The following YEATS2 variants were observed in gnomAD, a reference collection of about 807,000 sequenced individuals.
YEATS2 encodes the protein YEATS domain-containing protein 2.
A neutral mutation model predicts 163.2 loss-of-function variants in YEATS2; 77 were observed. The observed-to-expected ratio is 0.47, with a 90% confidence interval of 0.39 to 0.57. The LOEUF (loss-of-function observed/expected upper bound fraction) is 0.57. Ranked by LOEUF, YEATS2 falls within the 20% of genes least tolerant of loss-of-function variation. The probability of loss-of-function intolerance (pLI) is 0.00; values close to 1 mark genes in which losing one functional copy is unlikely to be tolerated. For missense variants in YEATS2, 1,549 were observed against 1,729.8 expected (o/e 0.90, Z 1.85); for synonymous variants, 631 against 645.1 (o/e 0.98, Z 0.33).
At chr3:183,719,212 G>C (rs1218181096) in intron 4 of YEATS2, among the ~76,000 whole-genome samples, 1 of 147,726 alleles carries the variant, frequency 6.8e-6, no homozygotes, top group Non-Finnish European at 1.5e-5. Flanking sequence ...GCCCAGGCTA[G>C]AGTGCAGTGG....
chr3:183,798,047 T>C lies in YEATS2; in HGVS notation c.3222T>C (p.Asn1074=). The change falls in exon 22 of 31, where the codon AAT becomes AAC. Residue 1074 remains asparagine (N), a synonymous_variant. Coordinates refer to ENST00000305135, the MANE Select transcript of YEATS2 (RefSeq NM_018023.5). The part of the protein sequence containing the change: ...GGVQTILMPV[N]KVVQSFSTSK... ...TGCAGACGATCCTGATGCCTGTGAA[T>C]AAAGGTGAGTCCCTTGCCCACGGGT... 1 of 1,613,626 alleles carries C rather than the reference T, an allele frequency of 6.2e-7. No individual in the cohort carries two copies. The highest frequency in any genetic ancestry group is 8.5e-7 in the Non-Finnish European group (1 of 1,179,888).
intron 7 of YEATS2, among the ~76,000 whole-genome samples, chr3:183,730,484 C>T (rs1204509384): frequency 6.6e-6 from 1 of 152,132 alleles, no homozygotes; most frequent in Non-Finnish European, 1.5e-5. Flanking sequence ...ACATGGCTGC[C>T]TCCTGAGAAC....
rs746730865 is a variant in YEATS2 at position 183,715,168 on chromosome 3, T to G, written c.6T>G (p.Ser2=). The change falls in exon 2 of 31, where the codon TCT becomes TCG. Residue 2 remains serine (S), a synonymous_variant. Coordinates refer to ENST00000305135, the MANE Select transcript of YEATS2 (RefSeq NM_018023.5). ...GTGAAGAACTGAATGTCATCATGTC[T>G]GGAATCAAGCGAACCATCAAAGAAA... M[S]GIKRTIKETD... is the part of the protein sequence containing the mutation. The G allele has an allele frequency of 6.2e-7, 1 of 1,611,372 alleles. No homozygotes were observed. The highest frequency in any genetic ancestry group is 1.3e-5 in the African/African-American group (1 of 74,726).
intron 12 of YEATS2, among the ~76,000 whole-genome samples, chr3:183,757,471 A>G (rs1447915361): frequency 6.6e-6 from 1 of 151,862 alleles, no homozygotes; most frequent in Non-Finnish European, 1.5e-5. Context: ...TTGTATTTTT[A>G]GTAGAGATGG....
intron 13 of YEATS2, among the ~76,000 whole-genome samples, chr3:183,759,652 A>G (rs1429428249): frequency 6.6e-6 from 1 of 152,208 alleles, no homozygotes. Context: ...TAAATATACA[A>G]ATGGCTCCCA....
chr3:183,721,826 C>G (rs1172704565), intron 4 of YEATS2, 65 bp from the exon 5 acceptor site: 5 of 1,581,486 alleles, frequency 3.2e-6, no homozygotes, highest in Non-Finnish European at 4.3e-6. Flanking sequence ...TTGGAGAGAT[C>G]AGATTTTTGC....
chr3:183,699,849 T>C (rs2108947481), intron 1 of YEATS2, among the ~76,000 whole-genome samples: 1 of 152,294 alleles, frequency 6.6e-6, no homozygotes, highest in East Asian at 1.9e-4. Flanking sequence ...GTCAATTGAA[T>C]TTGGCAACAC....
At chr3:183,787,801 C>A (rs1296878279) in intron 20 of YEATS2, among the ~76,000 whole-genome samples, 9 of 151,938 alleles carry the variant, frequency 5.9e-5, no homozygotes, top group Non-Finnish European at 1.3e-4. Flanking sequence ...ATCAAACCAT[C>A]CTGGCTAACA....
At position 183,808,321 on chromosome 3, in the gene YEATS2, C is replaced by T. The variant is rs867838144; in HGVS notation, c.4086+217C>T. Reference sequence around the variant, plus strand: ...CTCTGAGTCATGTGGTTTCAGGTGCCTCCTAAGACGTATTCTGGGGGTGGT... The same window carrying T: ...CTCTGAGTCATGTGGTTTCAGGTGCTTCCTAAGACGTATTCTGGGGGTGGT... On this transcript the variant is annotated intron_variant, in intron 29 of 30. Transcript: ENST00000305135. The T allele has an allele frequency of 7.2e-5, 40 of 551,920 alleles. No individual in the cohort carries two copies. In the African/African-American group the frequency reaches 7.3e-4, roughly 10 times the overall value. The allele number at this position is 551,920 out of a possible 1,614,324, so 34.2% of individuals were successfully genotyped here.
Position 183,775,914 on chromosome 3 carries a change from G to T in YEATS2, c.2369-1G>T. ...GTTGCTGTCATTCATTGTATTTTTAGATCTCCAGTCTGGCTCAGCTGCCAG... is the reference window on the plus strand; with the variant it reads ...GTTGCTGTCATTCATTGTATTTTTATATCTCCAGTCTGGCTCAGCTGCCAG... On this transcript the variant is annotated splice_acceptor_variant, in intron 17 of 30. Transcript: ENST00000305135. LOFTEE classifies it high-confidence loss of function. 6.2e-7 allele frequency: 1 copy of T among 1,611,980 alleles called. No homozygotes were observed.
At chr3:183,740,556 T>G (rs1339619681) in intron 8 of YEATS2, among the ~76,000 whole-genome samples, 1 of 152,270 alleles carries the variant, frequency 6.6e-6, no homozygotes, top group Non-Finnish European at 1.5e-5. Context: ...TAACATTCCC[T>G]TAAGCCAAAT....
intron 25 of YEATS2, chr3:183,802,544 C>CATATATATAT (rs1725791682): frequency 1.9e-5 from 1 of 52,562 alleles, no homozygotes; most frequent in East Asian, 1.1e-3. Context: ...TGTATATACA[C>CATATATATAT]ACACACATAT....
chr3:183,800,079 A>G (rs181847447), intron 23 of YEATS2, among the ~76,000 whole-genome samples: 10 of 151,678 alleles, frequency 6.6e-5, no homozygotes, highest in African/African-American at 1.2e-4. Context: ...TGATCCGCCC[A>G]CCTCGGCCTC....
rs780731165 is a variant in YEATS2 at position 183,715,251 on chromosome 3, T to C, written c.89T>C (p.Ile30Thr). Residue 30 changes from isoleucine (I) to threonine (T), a missense_variant, in exon 2 of 31, where the codon ATT becomes ACT. Coordinates refer to ENST00000305135, the MANE Select transcript of YEATS2 (RefSeq NM_018023.5). ...VALPNKRHKAIENSARDAAVQ... is the reference protein window; with the variant it reads ...VALPNKRHKATENSARDAAVQ... ...CTTCCAAATAAGCGGCATAAAGCAA[T>C]TGAGAATTCAGGTAGAAATCCTGCC... The C allele has an allele frequency of 1.2e-6, 2 of 1,607,566 alleles. No homozygotes were observed. Among genetic ancestry groups the C allele is most frequent in the Non-Finnish European group, 1.7e-6 (2 of 1,178,550 alleles).
Position 183,777,708 on chromosome 3 carries a change from C to T in YEATS2, c.2736+8C>T, listed in dbSNP as rs773212814. 10 of 1,611,104 alleles carry T rather than the reference C, an allele frequency of 6.2e-6. No individual in the cohort carries two copies. The highest frequency in any genetic ancestry group is 4.5e-5 in the East Asian group (2 of 44,868). On this transcript the variant is annotated splice_region_variant and intron_variant, in intron 19 of 30. Coordinates refer to ENST00000305135, the MANE Select transcript of YEATS2 (RefSeq NM_018023.5). ...ACCACATTGTTTACACAGGTAAATA[C>T]GCCCATGCACACACCCCAAATATGG...
At chr3:183,706,807 ACT>A (rs1714669506) in intron 1 of YEATS2, among the ~76,000 whole-genome samples, 1 of 151,994 alleles carries the variant, frequency 6.6e-6, no homozygotes, top group African/African-American at 2.4e-5. Context: ...CAAGAGCGAA[ACT>A]CTGTCTCAAA....
At chr3:183,706,588 G>A (rs1050105844) in intron 1 of YEATS2, among the ~76,000 whole-genome samples, 10 of 152,086 alleles carry the variant, frequency 6.6e-5, no homozygotes, top group South Asian at 2.1e-4. Context: ...AGGCCAAGAC[G>A]GGCAGATCAC....
intron 13 of YEATS2, among the ~76,000 whole-genome samples, chr3:183,760,313 A>AGT (rs1283432086): frequency 1.0e-4 from 11 of 110,302 alleles, no homozygotes; most frequent in Non-Finnish European, 8.8e-5. Context: ...AAACTACAGA[A>AGT]TTTTTTTTTT....
chr3:183,797,382 A>G (rs1198992773), intron 21 of YEATS2, among the ~76,000 whole-genome samples: 2 of 151,898 alleles, frequency 1.3e-5, no homozygotes, highest in Admixed American at 6.6e-5. Context: ...CCATCTCTAC[A>G]AAAACAAATT....
Sources: gnomAD v4.1 joint callset for allele counts (sites outside exome capture counted in the v4.1 genomes callset) on GRCh38, gnomAD v4.1.1 for gene constraint, MANE v1.5 for transcripts, NCBI Gene and HGNC (gene_info 2026-07-23, HGNC 2026-07-21) for gene names.